GCC2: variants seen among roughly 807,000 people sequenced by gnomAD.
GCC2 encodes the protein GRIP and coiled-coil domain-containing protein 2.
GCC2 carries 120 observed loss-of-function variants against 210.6 expected under a neutral mutation model. The ratio of observed to expected loss-of-function variants is 0.57; its 90% confidence interval spans 0.49 to 0.66. The LOEUF (loss-of-function observed/expected upper bound fraction) is 0.66, where lower values mean the gene tolerates loss of function less well. GCC2 is among the 30% of genes least tolerant of loss of function. The pLI is 0.00. For missense variants in GCC2, 1,868 were observed against 1,871.9 expected, an observed-to-expected ratio of 1.00 and a Z score of 0.04; for synonymous variants, 703 against 652.7, an observed-to-expected ratio of 1.08 and a Z score of -1.17.
intron 21 of GCC2, among the ~76,000 whole-genome samples, chr2:108,497,728 C>T (rs939728183): frequency 3.8e-4 from 58 of 152,262 alleles, no homozygotes; most frequent in African/African-American, 1.3e-3. Context: ...TTGAGGATTA[C>T]TCAAATGAGG....
At chr2:108,481,249 C>T (rs938591912) in intron 9 of GCC2, among the ~76,000 whole-genome samples, 2 of 152,186 alleles carry the variant, frequency 1.3e-5, no homozygotes, top group African/African-American at 4.8e-5. Flanking sequence ...TTCCAGTGTT[C>T]TTTCATTAGC....
intron 16 of GCC2, among the ~76,000 whole-genome samples, chr2:108,487,411 GAT>G (rs1682196939): frequency 6.6e-6 from 1 of 152,086 alleles, no homozygotes; most frequent in Non-Finnish European, 1.5e-5. Flanking sequence ...GGAGGCAATG[GAT>G]ATCCTAATTA....
intron 10 of GCC2, 112 bp downstream of exon 10, chr2:108,481,928 C>T (rs2718700): frequency 4.3e-6 from 3 of 701,416 alleles, no homozygotes; most frequent in East Asian, 2.9e-5. Flanking sequence ...TTATTCCCCC[C>T]CCACTTTACC....
intron 4 of GCC2, among the ~76,000 whole-genome samples, chr2:108,465,700 C>T (rs2104437029): frequency 6.6e-6 from 1 of 152,246 alleles, no homozygotes; most frequent in East Asian, 1.9e-4. Context: ...GAGTAGTATT[C>T]TATAAGTCAT....
chr2:108,475,656 T>G, intron 8 of GCC2, 21 bp downstream of exon 8: 2 of 1,488,356 alleles, frequency 1.3e-6, no homozygotes, highest in South Asian at 1.2e-5. Context: ...TTTAAAAATG[T>G]AAGATTCCGG....
intron 22 of GCC2, among the ~76,000 whole-genome samples, chr2:108,505,559 TCTC>T (rs1683141511): frequency 6.6e-6 from 1 of 152,164 alleles, no homozygotes; most frequent in African/African-American, 2.4e-5. Context: ...CTCTCTGTCT[TCTC>T]TGCTTGCACA....
intron 9 of GCC2, among the ~76,000 whole-genome samples, chr2:108,476,079 T>C (rs1413838046): frequency 7.7e-6 from 1 of 129,264 alleles, no homozygotes; most frequent in Non-Finnish European, 1.6e-5. Flanking sequence ...TTTTTTTTTT[T>C]TGATGAAGTC....
At position 108,470,944 on chromosome 2, in the gene GCC2, C is replaced by T. The variant is rs377282558; in HGVS notation, c.1615C>T (p.Arg539Cys). 26 of 1,612,540 alleles carry T rather than the reference C, an allele frequency of 1.6e-5. No homozygotes were observed. The highest frequency in any genetic ancestry group is 1.6e-4 in the Middle Eastern group (1 of 6,084). The change falls in exon 6 of 23, where the codon CGC (arginine) becomes TGC (cysteine). Residue 539 changes from arginine (R) to cysteine (C), a missense_variant. Transcript: ENST00000309863. ...AGATGCCCTTCTCGAAACTGTGAAT[C>T]GCCTCCAGGGAGAAAATGAAAAGTT... ...EKDALLETVNRLQGENEKLLS... is the reference protein window; with the variant it reads ...EKDALLETVNCLQGENEKLLS...
intron 4 of GCC2, among the ~76,000 whole-genome samples, chr2:108,464,588 C>T (rs1273203875): frequency 1.3e-5 from 2 of 152,192 alleles, no homozygotes; most frequent in Non-Finnish European, 2.9e-5. Flanking sequence ...GAGAGTCTCT[C>T]ACTTAGCCTT....
intron 19 of GCC2, 39 bp from the exon 20 acceptor site, chr2:108,495,252 G>A (rs1448379416): frequency 1.5e-6 from 2 of 1,334,142 alleles, no homozygotes; most frequent in Admixed American, 1.9e-5. Flanking sequence ...AATAGATTTT[G>A]AACAATCTCA....
intron 4 of GCC2, among the ~76,000 whole-genome samples, chr2:108,458,012 A>G (rs974225044): frequency 2.0e-5 from 3 of 152,216 alleles, no homozygotes; most frequent in African/African-American, 4.8e-5. Context: ...CTTAGAGGAA[A>G]GATTTTCAGC....
At position 108,470,145 on chromosome 2, in the gene GCC2, G is replaced by C; in HGVS notation, c.816G>C (p.Lys272Asn). Reference sequence around the variant, plus strand: ...AGGAACATGAAGCAGAGATAAATAAGTTGAACGAGCTAAAAGAGAACTTAG... The same window carrying C: ...AGGAACATGAAGCAGAGATAAATAACTTGAACGAGCTAAAAGAGAACTTAG... ...SAKEHEAEIN[K>N]LNELKENLVK... The change falls in exon 6 of 23, where the codon AAG becomes AAC. Residue 272 changes from lysine (K) to asparagine (N), a missense_variant. By Grantham distance (94) the Lys-to-Asn change is moderately conservative (BLOSUM62 0). Around this residue, in one of 3 missense-constraint regions of GCC2, gnomAD observed 1,847 missense variants for 1,765.2 expected, o/e 1.05. Transcript: ENST00000309863. 8 of 1,613,740 alleles carry C rather than the reference G, an allele frequency of 5.0e-6. No individual in the cohort carries two copies. In the South Asian group the frequency reaches 8.8e-5, roughly 18 times the overall value.
At position 108,455,715 on chromosome 2, in the gene GCC2, C is replaced by T. The variant is rs187753111; in HGVS notation, c.216+3249C>T. ...CTTAGATTTTACTTAACATAATGAC[C>T]TCCAGCTCCATCCATATTCCTGGAA... On this transcript the variant is annotated intron_variant, in intron 4 of 22. Transcript: ENST00000309863. 2.0e-3 allele frequency among the ~76,000 whole-genome samples: 309 copies of T among 152,240 alleles called. 3 individuals carry two copies. The highest frequency in any genetic ancestry group is 7.1e-3 in the African/African-American group (294 of 41,538).
At position 108,449,701 on chromosome 2, in the gene GCC2, A is replaced by G; in HGVS notation, c.63+12A>G. 1.2e-6 allele frequency: 2 copies of G among 1,608,828 alleles called. No homozygotes were observed. Among genetic ancestry groups the G allele is most frequent in the Non-Finnish European group, 1.7e-6 (2 of 1,175,298 alleles). On this transcript the variant is annotated intron_variant, in intron 2 of 22. Coordinates refer to ENST00000309863, the MANE Select transcript of GCC2 (RefSeq NM_181453.4). ...CCGGGAAATCTAAGGTGAAGAGAAT[A>G]CTTGAATAGCGGGCTTCCTGAAGAG...
rs190307890 is a variant in GCC2, at chr2:108,481,821, T to C, written c.3180+5T>C. 2.6e-6 allele frequency: 4 copies of C among 1,545,496 alleles called. No individual in the cohort carries two copies. The highest frequency in any genetic ancestry group is 2.2e-5 in the Admixed American group (1 of 45,604). ...TTAAGAAATTCGACTTTGCAGGTAATTTTTTAATAAATCCAAAAATGAAAA... is the reference window on the plus strand; with the variant it reads ...TTAAGAAATTCGACTTTGCAGGTAACTTTTTAATAAATCCAAAAATGAAAA... On this transcript the variant is annotated splice_donor_5th_base_variant and intron_variant, in intron 10 of 22. Coordinates refer to ENST00000309863, the MANE Select transcript of GCC2 (RefSeq NM_181453.4).
intron 22 of GCC2, among the ~76,000 whole-genome samples, chr2:108,502,125 T>TA (rs954435499): frequency 2.6e-5 from 4 of 152,028 alleles, no homozygotes; most frequent in African/African-American, 9.7e-5. Flanking sequence ...ACTGCCCCTA[T>TA]AAAAAAACAA....
intron 19 of GCC2, 42 bp downstream of exon 19, chr2:108,492,832 A>C: frequency 7.3e-7 from 1 of 1,377,500 alleles, no homozygotes. Flanking sequence ...TCATGTTTTC[A>C]TGCATTTGTC....
intron 4 of GCC2, among the ~76,000 whole-genome samples, chr2:108,461,908 C>G (rs1247130165): frequency 7.1e-6 from 1 of 141,588 alleles, no homozygotes; most frequent in African/African-American, 2.7e-5. Context: ...TCTCGGCTCA[C>G]TGCAAGCTCC....
intron 9 of GCC2, among the ~76,000 whole-genome samples, chr2:108,481,353 G>A (rs939464706): frequency 7.9e-5 from 12 of 152,144 alleles, no homozygotes; most frequent in African/African-American, 2.9e-4. Context: ...TTTATCCTCT[G>A]TCCTTAAATT....
Sources: gnomAD v4.1 joint callset for allele counts (sites outside exome capture counted in the v4.1 genomes callset) on GRCh38, gnomAD v4.1.1 for gene constraint, gnomAD v4.1.1 regional missense constraint, MANE v1.5 for transcripts, NCBI Gene and HGNC (gene_info 2026-07-23, HGNC 2026-07-21) for gene names.